Variants in ANO3 observed in about 807,000 individuals in gnomAD.
ANO3 encodes anoctamin-3.
Under a neutral mutation model 144.8 loss-of-function variants are expected in ANO3, and 99 were observed. The ratio of observed to expected loss-of-function variants is 0.68; its 90% CI spans 0.58 to 0.81. The LOEUF (loss-of-function observed/expected upper bound fraction) is 0.81, where lower values mean the gene tolerates loss of function less well. Among genes scored for constraint, ANO3 ranks in the 30% least tolerant of loss-of-function variants. ANO3 has a pLI of 0.00. For missense variants in ANO3, 905 were observed against 1,202.2 expected (o/e 0.75, Z 3.66); for synonymous variants, 414 against 392.6 (o/e 1.05, Z -0.64).
intron 14 of ANO3, among the ~76,000 whole-genome samples, chr11:26,577,210 A>T (rs1032307402): frequency 1.3e-5 from 2 of 152,186 alleles, no homozygotes; most frequent in African/African-American, 2.4e-5. Flanking sequence ...TTTTGGTGGT[A>T]GTCATGTAGA....
chr11:26,635,163 G>A, intron 20 of ANO3, 93 bp downstream of exon 20: 4 of 1,124,138 alleles, frequency 3.6e-6, no homozygotes, highest in South Asian at 1.4e-5. Context: ...AGAAGTTCAG[G>A]GAACTTTATG....
At chr11:26,452,192 G>T (rs921409698) in intron 3 of ANO3, among the ~76,000 whole-genome samples, 12 of 152,210 alleles carry the variant, frequency 7.9e-5, no homozygotes, top group African/African-American at 2.9e-4. Context: ...TGCTCCAAAG[G>T]AATGCAGTTC....
intron 1 of ANO3, among the ~76,000 whole-genome samples, chr11:26,296,395 A>G (rs1191923167): frequency 6.6e-6 from 1 of 152,106 alleles, no homozygotes; most frequent in African/African-American, 2.4e-5. Flanking sequence ...GCTTTGGGGG[A>G]TTATGAATAA....
chr11:26,635,137 G>GGGAGCTGAAGAAA, intron 20 of ANO3, 67 bp downstream of exon 20: 1 of 1,414,982 alleles, frequency 7.1e-7, no homozygotes. Context: ...GCGGGAGGAA[G>GGGAGCTGAAGAAA]GGAGCTGAAG....
At chr11:26,591,137 C>T (rs1025169347) in intron 14 of ANO3, among the ~76,000 whole-genome samples, 12 of 152,090 alleles carry the variant, frequency 7.9e-5, no homozygotes, top group Non-Finnish European at 1.3e-4. Context: ...AAGGTAGGTG[C>T]GGTCCCCTTC....
chr11:26,271,249 C>T (rs943284233), intron 1 of ANO3, among the ~76,000 whole-genome samples: 2 of 152,126 alleles, frequency 1.3e-5, no homozygotes, highest in Non-Finnish European at 2.9e-5. Flanking sequence ...TTCACATATG[C>T]TGGGATGAGA....
intron 1 of ANO3, among the ~76,000 whole-genome samples, chr11:26,358,332 C>T (rs545140973): frequency 3.3e-5 from 5 of 152,108 alleles, no homozygotes; most frequent in Admixed American, 1.3e-4. Context: ...CCACCACGCA[C>T]GGCTAATTTT....
At chr11:26,554,479 T>C (rs1437047317) in intron 13 of ANO3, among the ~76,000 whole-genome samples, 1 of 152,200 alleles carries the variant, frequency 6.6e-6, no homozygotes, top group Non-Finnish European at 1.5e-5. Flanking sequence ...GATAGGTATA[T>C]GGTTAGCCTA....
chr11:26,315,539 A>C (rs1037586024), intron 1 of ANO3, among the ~76,000 whole-genome samples: 5 of 152,198 alleles, frequency 3.3e-5, no homozygotes, highest in Non-Finnish European at 2.9e-5. Context: ...ATAAAATTAG[A>C]AAGAATTGAC....
At chr11:26,343,406 G>A (rs1855414586) in intron 1 of ANO3, among the ~76,000 whole-genome samples, 2 of 152,088 alleles carry the variant, frequency 1.3e-5, no homozygotes, top group Admixed American at 6.5e-5. Context: ...TTGAATGTAC[G>A]TGCAGAAATG....
chr11:26,390,333 C>T (rs1293741831), intron 1 of ANO3, among the ~76,000 whole-genome samples: 2 of 151,906 alleles, frequency 1.3e-5, no homozygotes, highest in Non-Finnish European at 2.9e-5. Context: ...AAAATTGTTC[C>T]TGGTTTACTC....
intron 1 of ANO3, among the ~76,000 whole-genome samples, chr11:26,233,934 G>T (rs1352710021): frequency 6.6e-6 from 1 of 152,082 alleles, no homozygotes. Flanking sequence ...ACACGCAAGG[G>T]CCTGTCAGTA....
At chr11:26,564,438 AATTTCAAGGGGGGAAAATAC>A (rs1373679264) in intron 14 of ANO3, among the ~76,000 whole-genome samples, 1 of 150,608 alleles carries the variant, frequency 6.6e-6, no homozygotes, top group African/African-American at 2.4e-5. Flanking sequence ...TTATTAAAAA[AATTTCAAGGGGGGAAAATAC>A]ATTAGACCTC....
intron 24 of ANO3, among the ~76,000 whole-genome samples, chr11:26,650,827 G>A (rs535113280): frequency 3.9e-5 from 6 of 152,158 alleles, no homozygotes; most frequent in Non-Finnish European, 8.8e-5. Flanking sequence ...GATCGTTGGA[G>A]TTACAAACTG....
chr11:26,372,166 C>A (rs1856279639), intron 1 of ANO3, among the ~76,000 whole-genome samples: 1 of 152,104 alleles, frequency 6.6e-6, no homozygotes, highest in African/African-American at 2.4e-5. Context: ...CCATGCTCTT[C>A]TTGTGATAGT....
intron 3 of ANO3, among the ~76,000 whole-genome samples, chr11:26,444,045 T>C (rs933296691): frequency 6.6e-5 from 10 of 152,142 alleles, no homozygotes; most frequent in African/African-American, 2.2e-4. Context: ...TGAGCAACAG[T>C]CTCATAATAA....
chr11:26,588,150 C>G (rs1851342543), intron 14 of ANO3, among the ~76,000 whole-genome samples: 1 of 152,100 alleles, frequency 6.6e-6, no homozygotes, highest in Non-Finnish European at 1.5e-5. Flanking sequence ...ACCACCGTCA[C>G]CCCTGTTAAA....
chr11:26,595,475 T>G (rs1012229523), intron 14 of ANO3, among the ~76,000 whole-genome samples: 82 of 147,076 alleles, frequency 5.6e-4, no homozygotes, highest in African/African-American at 1.8e-3. Context: ...TTTTTTTTTT[T>G]TTTTTTTTTT....
intron 1 of ANO3, among the ~76,000 whole-genome samples, chr11:26,298,650 T>G (rs1297169986): frequency 2.0e-5 from 3 of 152,204 alleles, no homozygotes; most frequent in African/African-American, 4.8e-5. Flanking sequence ...ACCTAGCTCA[T>G]GTCTACTCGT....
Sources: allele counts gnomAD v4.1 joint callset (sites outside exome capture counted in the v4.1 genomes callset), GRCh38; gene constraint gnomAD v4.1.1; transcripts MANE v1.5; gene names NCBI Gene and HGNC (gene_info 2026-07-23, HGNC 2026-07-21).